Variants in OCA2 observed in about 807,000 individuals in gnomAD.
OCA2 encodes the protein P protein.
A neutral mutation model predicts 100.2 loss-of-function variants in OCA2; 77 were observed. The ratio of observed to expected loss-of-function variants is 0.77; its 90% confidence interval spans 0.64 to 0.93. The LOEUF is 0.93. Ranked by LOEUF, OCA2 falls within the 40% of genes least tolerant of loss-of-function variation. The probability of loss-of-function intolerance (pLI) is 0.00; values close to 1 mark genes in which losing one functional copy is unlikely to be tolerated. For missense variants in OCA2, 1,062 were observed against 1,089.1 expected (o/e 0.98, Z 0.35); for synonymous variants, 432 against 439.2 (o/e 0.98, Z 0.21).
At chr15:28,082,740 C>T (rs150797519) in intron 1 of OCA2, among the ~76,000 whole-genome samples, 20 of 152,260 alleles carry the variant, frequency 1.3e-4, no homozygotes, top group African/African-American at 2.6e-4. Context: ...CTCTGGATGG[C>T]GAAAGTGCCC....
chr15:27,804,182 G>GA (rs1440522286), intron 23 of OCA2, among the ~76,000 whole-genome samples: 5 of 152,190 alleles, frequency 3.3e-5, no homozygotes, highest in Non-Finnish European at 5.9e-5. Context: ...GGTTCATTCT[G>GA]AAAAAATCGC....
At chr15:27,848,100 T>A (rs1481301272) in intron 22 of OCA2, among the ~76,000 whole-genome samples, 2 of 152,056 alleles carry the variant, frequency 1.3e-5, no homozygotes, top group Admixed American at 6.5e-5. Context: ...GCCAGGAAAA[T>A]CATTATCAGA....
At position 27,769,840 on chromosome 15, in the gene OCA2, C is replaced by T. The variant is rs960368308; in HGVS notation, c.2433-14368G>A. ...GTCCCTTTTCTGTGCCAGTGGACCC[C>T]TTGAGGCCTGCCCTCCCCAGCACCT... On this transcript the variant is annotated intron_variant, in intron 23 of 23. Transcript: ENST00000354638. Among the ~76,000 whole-genome samples, 5 of 149,468 alleles carry T rather than the reference C, an allele frequency of 3.3e-5. No individual in the cohort carries two copies. The South Asian group carries it at 1.0e-3, about 31-fold the overall frequency.
In OCA2 at chr15:27,778,222, C is replaced by T. The variant is rs75485280; in HGVS notation, c.2433-22750G>A. ...AAACCTTTTGCTGACTGTGAAACCA[C>T]GAAAGTCTAGTGGGCATTTTAAAAT... On this transcript the variant is annotated intron_variant, in intron 23 of 23. Coordinates refer to ENST00000354638, the MANE Select transcript of OCA2 (RefSeq NM_000275.3). 9.2e-5 allele frequency among the ~76,000 whole-genome samples: 14 copies of T among 152,292 alleles called. No homozygotes were observed. In the East Asian group the frequency reaches 1.4e-3, roughly 15 times the overall value.
intron 15 of OCA2, among the ~76,000 whole-genome samples, chr15:27,960,754 A>T (rs1477444516): frequency 6.6e-6 from 1 of 152,050 alleles, no homozygotes; most frequent in African/African-American, 2.4e-5. Flanking sequence ...AATACAAAAA[A>T]TTAGCTGGGC....
chr15:27,957,538 A>G lies in OCA2; in HGVS notation c.1784+50T>C, dbSNP rs1376856682. 1 of 1,606,100 alleles carries G rather than the reference A, an allele frequency of 6.2e-7. No individual in the cohort carries two copies. Among genetic ancestry groups the G allele is most frequent in the Admixed American group, 1.7e-5 (1 of 60,006 alleles). On this transcript the variant is annotated intron_variant, in intron 16 of 23. Transcript: ENST00000354638. This position sits in a 1 kb window ranked among gnomAD's most constrained non-coding sequence, Gnocchi z 4.3. The stretch of plus-strand genomic sequence containing the variant: ...ATGTCGCTATTTTGTAGGCCCATGG[A>G]ATGTTCTGCTGCACACCAAGCACAG...
chr15:27,790,672 T>G (rs1025379301), intron 23 of OCA2, among the ~76,000 whole-genome samples: 3 of 152,180 alleles, frequency 2.0e-5, no homozygotes, highest in Non-Finnish European at 2.9e-5. Flanking sequence ...GATGGAAATA[T>G]TCTATGTCTC....
chr15:27,726,691 G>A, the OCA2 span, among the ~76,000 whole-genome samples: 1 of 152,164 alleles, frequency 6.6e-6, no homozygotes, highest in Admixed American at 6.5e-5. Context: ...GGAGGAATGG[G>A]ACAGGGCATA....
At chr15:28,087,299 A>C (rs1261802796) in intron 1 of OCA2, among the ~76,000 whole-genome samples, 1 of 152,240 alleles carries the variant, frequency 6.6e-6, no homozygotes, top group African/African-American at 2.4e-5. Flanking sequence ...TCAAGCCAGA[A>C]GCCTATATCC....
intron 14 of OCA2, 94 bp from the exon 15 acceptor site, chr15:27,966,916 T>G: frequency 7.3e-7 from 1 of 1,374,228 alleles, no homozygotes; most frequent in Non-Finnish European, 1.0e-6. Context: ...GATCACGAGG[T>G]CCGGAGATGG....
At chr15:27,912,858 C>CCAAGTGATCGATGTTAACACT (rs1174019300) in intron 19 of OCA2, among the ~76,000 whole-genome samples, 1 of 152,160 alleles carries the variant, frequency 6.6e-6, no homozygotes, top group Non-Finnish European at 1.5e-5. Flanking sequence ...ACCACATGAG[C>CCAAGTGATCGATGTTAACACT]CAAGTGATCG....
At chr15:28,038,228 C>A (rs2043102896) in intron 2 of OCA2, among the ~76,000 whole-genome samples, 1 of 152,136 alleles carries the variant, frequency 6.6e-6, no homozygotes, top group Non-Finnish European at 1.5e-5. Context: ...CCAAAAGCAA[C>A]CACACAGAAC....
intron 23 of OCA2, among the ~76,000 whole-genome samples, chr15:27,803,641 G>A (rs981748689): frequency 6.6e-6 from 1 of 152,224 alleles, no homozygotes; most frequent in Non-Finnish European, 1.5e-5. Context: ...AAGATGAAAA[G>A]AGTTTTGAAG....
chr15:28,011,488 T>A (rs2042237928), intron 9 of OCA2, among the ~76,000 whole-genome samples: 2 of 144,714 alleles, frequency 1.4e-5, no homozygotes, highest in Admixed American at 6.9e-5. Context: ...ATAATAATAA[T>A]AAAACTAACT....
intron 1 of OCA2, among the ~76,000 whole-genome samples, chr15:28,083,011 T>C (rs2044701445): frequency 6.6e-6 from 1 of 152,224 alleles, no homozygotes; most frequent in Non-Finnish European, 1.5e-5. Flanking sequence ...TGTCCAGGGT[T>C]GCTGGGAAGC....
At chr15:28,025,279 A>G (rs1024984069) in intron 4 of OCA2, among the ~76,000 whole-genome samples, 3 of 152,220 alleles carry the variant, frequency 2.0e-5, no homozygotes, top group Admixed American at 2.0e-4. Context: ...TTTTCCCCTA[A>G]GTTTTCTGAA....
At position 27,915,088 on chromosome 15, in the gene OCA2, C is replaced by T. The variant is rs2038613431; in HGVS notation, c.2079+11039G>A. 5.9e-5 allele frequency among the ~76,000 whole-genome samples: 9 copies of T among 151,978 alleles called. No homozygotes were observed. In the South Asian group the frequency reaches 1.9e-3, roughly 32 times the overall value. Reference sequence around the variant, plus strand: ...ACAACTATCAGATCTTTGACAAAATCAACAAAAACAAGCAATGGGGAAAGG... The same window carrying T: ...ACAACTATCAGATCTTTGACAAAATTAACAAAAACAAGCAATGGGGAAAGG... On this transcript the variant is annotated intron_variant, in intron 19 of 23. Transcript: ENST00000354638.
intron 19 of OCA2, among the ~76,000 whole-genome samples, chr15:27,905,682 G>A (rs2140218370): frequency 6.6e-6 from 1 of 152,372 alleles, no homozygotes; most frequent in Admixed American, 6.5e-5. Flanking sequence ...GCAGGAGTCG[G>A]AGGACTGTGC....
At chr15:27,771,037 CCTCT>C (rs1344233461) in intron 23 of OCA2, among the ~76,000 whole-genome samples, 1 of 146,438 alleles carries the variant, frequency 6.8e-6, no homozygotes, top group South Asian at 2.3e-4. Context: ...TCCCTCCCTC[CCTCT>C]TTTCCTTCCT....
Sources: gnomAD v4.1 joint callset for allele counts (sites outside exome capture counted in the v4.1 genomes callset) on GRCh38, gnomAD v4.1.1 for gene constraint, Gnocchi (gnomAD v3.1) non-coding constraint, MANE v1.5 for transcripts, NCBI Gene and HGNC (gene_info 2026-07-23, HGNC 2026-07-21) for gene names.